GRIN2B: variants seen among roughly 807,000 people sequenced by gnomAD.
GRIN2B encodes glutamate receptor ionotropic, NMDA 2B.
In GRIN2B, 5 loss-of-function variants were observed where a neutral mutation model predicts 114.5. That is an observed-to-expected ratio of 0.04 (90% CI 0.02 to 0.09). GRIN2B has a LOEUF of 0.09. Among genes scored for constraint, GRIN2B ranks in the 10% least tolerant of loss-of-function variants. The pLI, the probability that GRIN2B is intolerant of heterozygous loss-of-function variation, is 1.00. For missense variants in GRIN2B, 1,108 were observed against 1,943.5 expected, an observed-to-expected ratio of 0.57 and a Z score of 8.08; for synonymous variants, 787 against 745.1, an observed-to-expected ratio of 1.06 and a Z score of -0.92.
intron 2 of GRIN2B, among the ~76,000 whole-genome samples, chr12:13,944,017 C>G (rs1867318009): frequency 6.6e-6 from 1 of 152,066 alleles, no homozygotes; most frequent in African/African-American, 2.4e-5. Flanking sequence ...GCATAAATCC[C>G]TTTATCAATA....
At chr12:13,568,140 C>T (rs1012487740) in intron 12 of GRIN2B, among the ~76,000 whole-genome samples, 16 of 152,100 alleles carry the variant, frequency 1.1e-4, no homozygotes, top group African/African-American at 3.4e-4. Context: ...CATTGTTTAA[C>T]GGTGCTTTGA....
chr12:13,547,926 G>T lies in GRIN2B; in HGVS notation c.*14857C>A, dbSNP rs1948362784. The T allele has an allele frequency of 1.5e-5, 2 of 137,540 alleles. No homozygotes were observed. Among genetic ancestry groups the T allele is most frequent in the South Asian group, 2.5e-4 (1 of 4,050 alleles). 8.5% of individuals were successfully genotyped at this position (137,540 alleles called of 1,614,324 possible). A position where few individuals can be genotyped will look rare whatever the true frequency, so the allele number is the denominator to read the frequency against. On this transcript the variant is annotated 3_prime_UTR_variant, in exon 14 of 14. Coordinates refer to ENST00000609686, the MANE Select transcript of GRIN2B (RefSeq NM_000834.5). ...TGTCAATAGGCCTTACCCAAACAGG[G>T]TTATGTATATGTATGTATGTATGTA...
Position 13,537,348 on chromosome 12 carries a change from T to G in GRIN2B, c.*25435A>C, listed in dbSNP as rs2136373869. 1 of 152,290 alleles carries G rather than the reference T, an allele frequency of 6.6e-6. No individual in the cohort carries two copies. The highest frequency in any genetic ancestry group is 2.4e-5 in the African/African-American group (1 of 41,556). 9.4% of individuals were successfully genotyped at this position (152,290 alleles called of 1,614,324 possible). On this transcript the variant is annotated 3_prime_UTR_variant, in exon 14 of 14. Transcript: ENST00000609686. ...AGTCACATTTAAGGTCGATTCCAAG[T>G]TTAAATTTTATGTGTAGAATTTCCT... is the stretch of plus-strand genomic sequence containing the variant.
At chr12:13,594,416 A>G (rs1949046969) in intron 10 of GRIN2B, among the ~76,000 whole-genome samples, 1 of 151,754 alleles carries the variant, frequency 6.6e-6, no homozygotes, top group African/African-American at 2.4e-5. Context: ...CAGCAAACTA[A>G]CACAAGCACA....
At chr12:13,677,769 C>T (rs1054955719) in intron 4 of GRIN2B, among the ~76,000 whole-genome samples, 2 of 152,084 alleles carry the variant, frequency 1.3e-5, no homozygotes, top group South Asian at 2.1e-4. Context: ...CCCTTTGATA[C>T]ATGTTTCCTC....
At chr12:13,814,243 A>G (rs1250824202) in intron 3 of GRIN2B, among the ~76,000 whole-genome samples, 1 of 152,228 alleles carries the variant, frequency 6.6e-6, no homozygotes, top group African/African-American at 2.4e-5. Context: ...TCCGTGTTAG[A>G]GTATTCCTCA....
chr12:13,704,698 A>G (rs1489959081), intron 4 of GRIN2B, among the ~76,000 whole-genome samples: 1 of 152,124 alleles, frequency 6.6e-6, no homozygotes, highest in Non-Finnish European at 1.5e-5. Context: ...CCATGGCTGC[A>G]TCTATGTTAA....
At chr12:13,957,996 T>C (rs1001504209) in intron 2 of GRIN2B, among the ~76,000 whole-genome samples, 3 of 152,226 alleles carry the variant, frequency 2.0e-5, no homozygotes, top group African/African-American at 7.2e-5. Context: ...CCATTCTCAC[T>C]AGTCACAGGT....
chr12:13,922,228 A>G (rs927435236), intron 2 of GRIN2B, among the ~76,000 whole-genome samples: 2 of 152,236 alleles, frequency 1.3e-5, no homozygotes, highest in African/African-American at 4.8e-5. Context: ...TTCAGAGAGC[A>G]CTAAAGTGCT....
intron 4 of GRIN2B, among the ~76,000 whole-genome samples, chr12:13,692,766 T>C (rs1332863554): frequency 1.4e-4 from 9 of 65,670 alleles, no homozygotes; most frequent in South Asian, 1.6e-3. Context: ...TTTTCTTTTT[T>C]TTTTTTTTTT....
At chr12:13,571,572 A>G (rs1358590171) in intron 11 of GRIN2B, among the ~76,000 whole-genome samples, 1 of 152,188 alleles carries the variant, frequency 6.6e-6, no homozygotes, top group Non-Finnish European at 1.5e-5. Context: ...ACATTAGTGC[A>G]ACTAGAAAAT....
chr12:13,726,391 C>T (rs538061646), intron 4 of GRIN2B, among the ~76,000 whole-genome samples: 2 of 151,734 alleles, frequency 1.3e-5, no homozygotes, highest in Non-Finnish European at 2.9e-5. Flanking sequence ...AAAAATTAGC[C>T]AGGCATGGTG....
At chr12:13,799,258 G>T (rs1282161514) in intron 3 of GRIN2B, among the ~76,000 whole-genome samples, 1 of 152,170 alleles carries the variant, frequency 6.6e-6, no homozygotes, top group African/African-American at 2.4e-5. Context: ...AGGGCCAAAG[G>T]CTAAATAGGA....
chr12:13,920,224 C>T (rs1308799632), intron 2 of GRIN2B, among the ~76,000 whole-genome samples: 1 of 121,894 alleles, frequency 8.2e-6, no homozygotes, highest in Non-Finnish European at 1.7e-5. Flanking sequence ...CATAGCAAGA[C>T]CCTATCTCAA....
intron 5 of GRIN2B, among the ~76,000 whole-genome samples, chr12:13,642,189 A>AAAACAGAC (rs1555115503): frequency 6.7e-6 from 1 of 149,650 alleles, no homozygotes; most frequent in African/African-American, 2.5e-5. Flanking sequence ...ACTCTGTCTC[A>AAAACAGAC]AAACAAACAA....
At chr12:13,588,920 A>G (rs954919813) in intron 10 of GRIN2B, among the ~76,000 whole-genome samples, 1 of 152,224 alleles carries the variant, frequency 6.6e-6, no homozygotes, top group Non-Finnish European at 1.5e-5. Context: ...GGAGCAAAAG[A>G]GGAAATTCCT....
chr12:13,966,040 T>C (rs574999995), intron 2 of GRIN2B, among the ~76,000 whole-genome samples: 1 of 152,330 alleles, frequency 6.6e-6, no homozygotes, highest in Admixed American at 6.5e-5. Context: ...GCCCCGGACA[T>C]GAGATTCAGA....
At chr12:13,697,118 C>A (rs567024350) in intron 4 of GRIN2B, among the ~76,000 whole-genome samples, 1 of 152,024 alleles carries the variant, frequency 6.6e-6, no homozygotes, top group Non-Finnish European at 1.5e-5. Flanking sequence ...TCCCCCACCC[C>A]CAAAATGCAA....
chr12:13,696,247 G>A (rs1235412847), intron 4 of GRIN2B, among the ~76,000 whole-genome samples: 1 of 152,126 alleles, frequency 6.6e-6, no homozygotes, highest in Non-Finnish European at 1.5e-5. Context: ...AATGATGTGA[G>A]GGAAACAGCA....
Sources: gnomAD v4.1 joint callset for allele counts (sites outside exome capture counted in the v4.1 genomes callset) on GRCh38, gnomAD v4.1.1 for gene constraint, MANE v1.5 for transcripts, NCBI Gene and HGNC (gene_info 2026-07-23, HGNC 2026-07-21) for gene names.